The following TGFBR2 variants were observed in gnomAD, a reference collection of about 807,000 sequenced individuals.
TGFBR2 encodes transforming growth factor beta receptor 2, also known as TGF-beta receptor type-2.
TGFBR2 carries 18 observed loss-of-function variants against 49.0 expected under a neutral mutation model. The ratio of observed to expected loss-of-function variants is 0.37; its 90% CI spans 0.25 to 0.54. The LOEUF is 0.54. TGFBR2 is among the 20% of genes least tolerant of loss of function. TGFBR2 has a pLI of 0.85. For synonymous variants in TGFBR2, 282 were observed against 275.9 expected (o/e 1.02, Z -0.22); for missense variants, 525 against 722.6 (o/e 0.73, Z 3.13).
chr3:30,614,686 C>A (rs953020920), intron 1 of TGFBR2, among the ~76,000 whole-genome samples: 2 of 152,128 alleles, frequency 1.3e-5, no homozygotes, highest in African/African-American at 4.8e-5. Flanking sequence ...GGTGTATTAA[C>A]CCTCAAAACA....
chr3:30,657,140 T>C (rs573943456), intron 3 of TGFBR2, among the ~76,000 whole-genome samples: 75 of 152,362 alleles, frequency 4.9e-4, no homozygotes, highest in Non-Finnish European at 8.5e-4. Context: ...AGGAGAATCA[T>C]AGAAGAACCA....
intron 5 of TGFBR2, among the ~76,000 whole-genome samples, chr3:30,684,972 T>G (rs1699598146): frequency 6.6e-6 from 1 of 152,160 alleles, no homozygotes; most frequent in South Asian, 2.1e-4. Context: ...GATTAGGACT[T>G]GGAATGAATT....
chr3:30,648,358 A>T (rs987046545), intron 2 of TGFBR2, among the ~76,000 whole-genome samples: 1 of 151,568 alleles, frequency 6.6e-6, no homozygotes, highest in African/African-American at 2.4e-5. Context: ...CAAGGAAAAG[A>T]GACCATGCCT....
chr3:30,656,560 C>A (rs943380911), intron 3 of TGFBR2, among the ~76,000 whole-genome samples: 8 of 152,128 alleles, frequency 5.3e-5, no homozygotes, highest in Non-Finnish European at 5.9e-5. Context: ...TGAATCAGTT[C>A]ATTCTTGGGT....
At chr3:30,675,801 C>G (rs954653814) in intron 5 of TGFBR2, among the ~76,000 whole-genome samples, 1 of 152,202 alleles carries the variant, frequency 6.6e-6, no homozygotes. Flanking sequence ...AATATCTAAC[C>G]TAAACCATAG....
intron 3 of TGFBR2, among the ~76,000 whole-genome samples, chr3:30,663,324 G>A (rs1699181898): frequency 6.6e-6 from 1 of 152,072 alleles, no homozygotes; most frequent in South Asian, 2.1e-4. Flanking sequence ...TCCAGTCAAG[G>A]ACAACACATT....
chr3:30,658,246 A>G (rs999318618), intron 3 of TGFBR2, among the ~76,000 whole-genome samples: 1 of 152,224 alleles, frequency 6.6e-6, no homozygotes, highest in African/African-American at 2.4e-5. Context: ...TCAAATCTGA[A>G]TCATGCTTCT....
chr3:30,665,558 G>A (rs1406969395), intron 3 of TGFBR2, among the ~76,000 whole-genome samples: 1 of 152,146 alleles, frequency 6.6e-6, no homozygotes, highest in Non-Finnish European at 1.5e-5. Context: ...TCTACACTGC[G>A]GAGCTCCCTT....
At chr3:30,634,525 G>C (rs2043138) in intron 1 of TGFBR2, among the ~76,000 whole-genome samples, 103,705 of 151,910 alleles carry the variant, frequency 0.68, 36,275 homozygotes, top group African/African-American at 0.84. Context: ...TATGAGGGCT[G>C]TCAGAAAGCA....
rs1699447710 is a variant in TGFBR2, at chr3:30,676,790, T to C, written c.1396+2544T>C. On this transcript the variant is annotated intron_variant, in intron 5 of 6. Coordinates refer to ENST00000295754, the MANE Select transcript of TGFBR2 (RefSeq NM_003242.6). This position sits in a 1 kb window ranked among gnomAD's most constrained non-coding sequence, Gnocchi z 4.3. ...TTTTCCTGAGACCCCCGCATGGGGA[T>C]GGCACTTCCTATCTAGCTGACATAG... 6.6e-6 allele frequency among the ~76,000 whole-genome samples: 1 copy of C among 152,158 alleles called. No individual in the cohort carries two copies. Among genetic ancestry groups the C allele is most frequent in the African/African-American group, 2.4e-5 (1 of 41,398 alleles).
intron 3 of TGFBR2, among the ~76,000 whole-genome samples, chr3:30,671,221 C>T (rs1410040792): frequency 6.6e-6 from 1 of 152,134 alleles, no homozygotes; most frequent in Non-Finnish European, 1.5e-5. Flanking sequence ...TACCTTCCAG[C>T]ATGGAGTTCC....
chr3:30,646,213 G>A (rs903752008), intron 2 of TGFBR2, among the ~76,000 whole-genome samples: 1 of 152,134 alleles, frequency 6.6e-6, no homozygotes, highest in East Asian at 1.9e-4. Context: ...GCAAACTTCT[G>A]TACATACCAC....
chr3:30,651,988 G>A (rs1240568465), intron 3 of TGFBR2, among the ~76,000 whole-genome samples: 1 of 152,184 alleles, frequency 6.6e-6, no homozygotes, highest in Non-Finnish European at 1.5e-5. Context: ...GAGAAGCTAT[G>A]TGTCCTCGTG....
At chr3:30,653,096 C>T (rs1698924288) in intron 3 of TGFBR2, among the ~76,000 whole-genome samples, 1 of 152,096 alleles carries the variant, frequency 6.6e-6, no homozygotes, top group South Asian at 2.1e-4. Context: ...TTCTAAAATG[C>T]TCCAGAAGGT....
In TGFBR2 at chr3:30,628,452, A is replaced by G. The variant is rs147491450; in HGVS notation, c.95-16295A>G. Reference sequence around the variant, plus strand: ...GGTCACCTCTGTGCTGTATTCTCCTAGAAACTCACCTTTATTTGGCATGCT... The same window carrying G: ...GGTCACCTCTGTGCTGTATTCTCCTGGAAACTCACCTTTATTTGGCATGCT... On this transcript the variant is annotated intron_variant, in intron 1 of 6. Transcript: ENST00000295754. Among the ~76,000 whole-genome samples the G allele has an allele frequency of 1.4e-4, 20 of 147,984 alleles. 1 individual carries two copies. In the East Asian group the frequency reaches 4.0e-3, roughly 30 times the overall value.
intron 5 of TGFBR2, among the ~76,000 whole-genome samples, chr3:30,679,543 G>C (rs1026489128): frequency 1.3e-5 from 2 of 152,258 alleles, no homozygotes; most frequent in African/African-American, 4.8e-5. Flanking sequence ...AGAGTGGTCA[G>C]AGAGAAAGGC....
chr3:30,648,462 A>ACACACACACACACACACACACAC (rs71786414), intron 2 of TGFBR2, among the ~76,000 whole-genome samples: 1 of 149,766 alleles, frequency 6.7e-6, no homozygotes, highest in African/African-American at 2.5e-5. Context: ...ACACACACAC[A>ACACACACACACACACACACACAC]AAACTGTGGG....
intron 1 of TGFBR2, among the ~76,000 whole-genome samples, chr3:30,607,848 T>A (rs971505654): frequency 3.4e-5 from 4 of 118,052 alleles, no homozygotes; most frequent in East Asian, 2.1e-4. Flanking sequence ...ATTATATATA[T>A]AAATATATAT....
chr3:30,611,289 A>G (rs535640065), intron 1 of TGFBR2, among the ~76,000 whole-genome samples: 81 of 152,302 alleles, frequency 5.3e-4, no homozygotes, highest in Middle Eastern at 3.4e-3. Context: ...CTAAGCAGTC[A>G]CTGTTTGTTA....
Sources: allele counts gnomAD v4.1 joint callset (sites outside exome capture counted in the v4.1 genomes callset), GRCh38; gene constraint gnomAD v4.1.1; non-coding constraint Gnocchi (gnomAD v3.1); transcripts MANE v1.5; gene names NCBI Gene and HGNC (gene_info 2026-07-23, HGNC 2026-07-21).